Variants in FAM107B observed in about 807,000 individuals in gnomAD.
FAM107B encodes protein FAM107B.
In FAM107B, 21 loss-of-function variants were observed where a neutral mutation model predicts 31.5. The observed-to-expected ratio is 0.67, with a 90% CI of 0.47 to 0.96. The LOEUF is 0.96. FAM107B is among the 40% of genes least tolerant of loss of function. The pLI is 0.00. For synonymous variants in FAM107B, 157 were observed against 141.5 expected (o/e 1.11, Z -0.78); for missense variants, 452 against 377.1 (o/e 1.20, Z -1.64).
chr10:14,593,000 T>C (rs1056368614), intron 2 of FAM107B, among the ~76,000 whole-genome samples: 1 of 152,194 alleles, frequency 6.6e-6, no homozygotes, highest in Non-Finnish European at 1.5e-5. Context: ...CCAACAAATA[T>C]GGAACAATGG....
At chr10:14,650,067 A>C (rs1001382768) in intron 2 of FAM107B, among the ~76,000 whole-genome samples, 2 of 152,180 alleles carry the variant, frequency 1.3e-5, no homozygotes, top group East Asian at 3.9e-4. Context: ...AGGAAGAAGG[A>C]GGAAGGACGT....
chr10:14,721,603 T>C (rs1855914557), intron 1 of FAM107B, among the ~76,000 whole-genome samples: 1 of 152,256 alleles, frequency 6.6e-6, no homozygotes, highest in Non-Finnish European at 1.5e-5. Flanking sequence ...CCAGTGATGA[T>C]GAGCATTTTT....
At chr10:14,624,760 C>T (rs546527540) in intron 2 of FAM107B, among the ~76,000 whole-genome samples, 12 of 152,198 alleles carry the variant, frequency 7.9e-5, no homozygotes, top group African/African-American at 1.7e-4. Flanking sequence ...AGCTGGCAAA[C>T]GCAAGAAAAG....
chr10:14,523,654 A>G (rs1845906168), intron 3 of FAM107B, among the ~76,000 whole-genome samples: 2 of 152,196 alleles, frequency 1.3e-5, no homozygotes, highest in Admixed American at 1.3e-4. Context: ...AATTTCCAAT[A>G]TATGTGCTCC....
intron 1 of FAM107B, among the ~76,000 whole-genome samples, chr10:14,737,327 A>G (rs1184323348): frequency 6.6e-6 from 1 of 152,062 alleles, no homozygotes; most frequent in African/African-American, 2.4e-5. Context: ...CTCTCCATAG[A>G]AAAAACATTT....
chr10:14,664,353 G>T (rs1211446405), intron 2 of FAM107B, among the ~76,000 whole-genome samples: 2 of 152,128 alleles, frequency 1.3e-5, no homozygotes, highest in Non-Finnish European at 2.9e-5. Context: ...CATGAGGGAT[G>T]GAGTCAAGTC....
At chr10:14,592,653 C>T (rs922225585) in intron 2 of FAM107B, among the ~76,000 whole-genome samples, 31 of 152,118 alleles carry the variant, frequency 2.0e-4, no homozygotes, top group Admixed American at 1.1e-3. Context: ...ATTTTTACTC[C>T]CTGCAATTTC....
chr10:14,604,099 C>T (rs1465711488), intron 2 of FAM107B: 37 of 453,694 alleles, frequency 8.2e-5, no homozygotes, highest in Non-Finnish European at 1.0e-4. Flanking sequence ...GCCCGCTGCC[C>T]TCCCGCGCAC....
intron 2 of FAM107B, among the ~76,000 whole-genome samples, chr10:14,624,414 A>G (rs528552027): frequency 6.6e-6 from 1 of 152,284 alleles, no homozygotes; most frequent in East Asian, 1.9e-4. Context: ...AGGAGGGTGG[A>G]TCATTTGAGG....
chr10:14,639,956 T>A (rs1438228596), intron 2 of FAM107B, among the ~76,000 whole-genome samples: 2 of 152,214 alleles, frequency 1.3e-5, no homozygotes, highest in Non-Finnish European at 1.5e-5. Context: ...GCCTTCTCTA[T>A]GAAATTCACT....
At chr10:14,545,171 C>T (rs1002250880) in intron 2 of FAM107B, among the ~76,000 whole-genome samples, 1 of 152,124 alleles carries the variant, frequency 6.6e-6, no homozygotes, top group Non-Finnish European at 1.5e-5. Flanking sequence ...CCTAAATCTA[C>T]AAGGCTAATT....
chr10:14,667,197 T>C (rs973781334), intron 2 of FAM107B, among the ~76,000 whole-genome samples: 2 of 152,224 alleles, frequency 1.3e-5, no homozygotes, highest in Non-Finnish European at 2.9e-5. Context: ...CGTCCTATTG[T>C]GGCATAAATC....
chr10:14,674,650 A>C (rs529788406), intron 1 of FAM107B, among the ~76,000 whole-genome samples: 1 of 152,216 alleles, frequency 6.6e-6, no homozygotes, highest in East Asian at 1.9e-4. Context: ...TAACTCCCCA[A>C]GCAAGTTAAT....
At position 14,521,098 on chromosome 10, in the gene FAM107B, A is replaced by C. The variant is rs3780915; in HGVS notation, c.*92T>G. On this transcript the variant is annotated 3_prime_UTR_variant, in exon 5 of 5. Transcript: ENST00000181796. Reference sequence around the variant, plus strand: ...GCAAGTCAAAATTCTCTGCTGGCTGAAATATTCTCCAGGGGCTTTTGCCCT... The same window carrying C: ...GCAAGTCAAAATTCTCTGCTGGCTGCAATATTCTCCAGGGGCTTTTGCCCT... 1.0e-6 allele frequency: 1 copy of C among 968,188 alleles called. No homozygotes were observed. The allele number at this position is 968,188 out of a possible 1,614,324, so 60.0% of individuals were successfully genotyped here.
intron 2 of FAM107B, chr10:14,556,473 T>A: frequency 6.3e-6 from 6 of 951,812 alleles, no homozygotes; most frequent in Non-Finnish European, 7.5e-6. Flanking sequence ...AATATTCATA[T>A]TTGTCAAGCC....
chr10:14,563,953 T>A (rs1305290773), intron 2 of FAM107B, among the ~76,000 whole-genome samples: 1 of 146,882 alleles, frequency 6.8e-6, no homozygotes, highest in Non-Finnish European at 1.5e-5. Flanking sequence ...ATGTGAAACA[T>A]TCATCTCATA....
chr10:14,756,846 T>C (rs1201492440), intron 1 of FAM107B, among the ~76,000 whole-genome samples: 1 of 152,132 alleles, frequency 6.6e-6, no homozygotes, highest in African/African-American at 2.4e-5. Context: ...AGAAACGAGA[T>C]CATGTCATTT....
intron 1 of FAM107B, among the ~76,000 whole-genome samples, chr10:14,756,295 T>C (rs144414077): frequency 5.3e-4 from 80 of 152,346 alleles, no homozygotes; most frequent in Non-Finnish European, 8.5e-4. Context: ...TTTGTGATAG[T>C]CTTGGGTGTC....
chr10:14,774,428 G>A lies in FAM107B; in HGVS notation c.236C>T (p.Ser79Leu), dbSNP rs1833375466. 2 of 1,614,202 alleles carry A rather than the reference G, an allele frequency of 1.2e-6. No homozygotes were observed. The highest frequency in any genetic ancestry group is 1.6e-4 in the Middle Eastern group (1 of 6,062). ...GCCATTTCTCTCTGCATGGGTGCTCGAATCTTGCCTTTTCTCTGGAGCTCC... is the reference window on the plus strand; with the variant it reads ...GCCATTTCTCTCTGCATGGGTGCTCAAATCTTGCCTTTTCTCTGGAGCTCC... ...AEGAPEKRQD[S>L]STHAERNGSA... Residue 79 changes from serine to leucine, a missense_variant, in exon 1 of 5, where the codon TCG (serine) becomes TTG (leucine). By Grantham distance (145) the Ser-to-Leu change is moderately radical. Transcript: ENST00000181796.
Sources: gnomAD v4.1 joint callset for allele counts (sites outside exome capture counted in the v4.1 genomes callset) on GRCh38, gnomAD v4.1.1 for gene constraint, MANE v1.5 for transcripts, NCBI Gene and HGNC (gene_info 2026-07-23, HGNC 2026-07-21) for gene names.